HSPA9: variants seen among roughly 807,000 people sequenced by gnomAD.
HSPA9 encodes stress-70 protein, mitochondrial.
A neutral mutation model predicts 81.5 loss-of-function variants in HSPA9; 28 were observed. The observed-to-expected ratio is 0.34, with a 90% confidence interval of 0.25 to 0.47. The LOEUF (loss-of-function observed/expected upper bound fraction) is 0.47, where lower values mean the gene tolerates loss of function less well. Among genes scored for constraint, HSPA9 ranks in the 20% least tolerant of loss-of-function variants. The pLI, the probability that HSPA9 is intolerant of heterozygous loss-of-function variation, is 1.00. For synonymous variants in HSPA9, 293 were observed against 290.4 expected, an observed-to-expected ratio of 1.01 and a Z score of -0.09; for missense variants, 678 against 838.0, an observed-to-expected ratio of 0.81 and a Z score of 2.36.
chr5:138,556,373 AG>A, intron 16 of HSPA9, 78 bp downstream of exon 16: 1 of 1,504,090 alleles, frequency 6.6e-7, no homozygotes. Flanking sequence ...ATGGCTATGG[AG>A]GGAGCCACCA....
In HSPA9 at chr5:138,555,794, T is replaced by C. The variant is rs1750506974; in HGVS notation, c.*243A>G. On this transcript the variant is annotated 3_prime_UTR_variant, in exon 17 of 17. Coordinates refer to ENST00000297185, the MANE Select transcript of HSPA9 (RefSeq NM_004134.7). ...AATGATCAATTCATCCTACCTCCTT[T>C]TACATGCAGCTGAAAAATGACAGGC... 3 of 556,232 alleles carry C rather than the reference T, an allele frequency of 5.4e-6. No homozygotes were observed. Among genetic ancestry groups the C allele is most frequent in the Non-Finnish European group, 9.6e-6 (3 of 313,046 alleles). The allele number at this position is 556,232 out of a possible 1,614,324, so 34.5% of individuals were successfully genotyped here. A position where few individuals can be genotyped will look rare whatever the true frequency, so the allele number is the denominator to read the frequency against.
At chr5:138,574,239 T>C (rs1751029158) in intron 1 of HSPA9, 113 bp from the exon 2 acceptor site, 1 of 747,246 alleles carries the variant, frequency 1.3e-6, no homozygotes, top group South Asian at 1.5e-5. Flanking sequence ...AAACAGTAAA[T>C]ATTAAAGTTT....
At chr5:138,561,504 T>C (rs1274206581) in intron 10 of HSPA9, 76 bp downstream of exon 10, 9 of 1,141,948 alleles carry the variant, frequency 7.9e-6, no homozygotes, top group Non-Finnish European at 1.2e-5. Flanking sequence ...ATGGGCCATA[T>C]ATTTGTGCCA....
chr5:138,571,248 T>C, intron 3 of HSPA9, 107 bp from the exon 4 acceptor site: 1 of 1,139,210 alleles, frequency 8.8e-7, no homozygotes, highest in East Asian at 2.5e-5. Context: ...TGGCACAATC[T>C]TGGCTCACTG....
intron 3 of HSPA9, 37 bp downstream of exon 3, chr5:138,573,726 G>A (rs746238939): frequency 5.6e-5 from 68 of 1,213,618 alleles, no homozygotes; most frequent in Non-Finnish European, 8.0e-5. Context: ...ATTCTGGACA[G>A]ATTCTGGATA....
At chr5:138,560,715 A>C in intron 10 of HSPA9, 1 of 237,336 alleles carries the variant, frequency 4.2e-6, no homozygotes, top group South Asian at 4.3e-5. Flanking sequence ...CGCCCACCAA[A>C]TTTTTTATAT....
intron 9 of HSPA9, among the ~76,000 whole-genome samples, chr5:138,565,895 G>C (rs562032618): frequency 1.8e-4 from 27 of 152,284 alleles, no homozygotes; most frequent in African/African-American, 6.5e-4. Flanking sequence ...TATTAAGTGA[G>C]AGACAATTAG....
At position 138,558,612 on chromosome 5, in the gene HSPA9, CT is replaced by C; in HGVS notation, c.1455del (p.Val486CysfsTer20). On this transcript the variant is annotated frameshift_variant, in exon 12 of 17. Coordinates refer to ENST00000297185, the MANE Select transcript of HSPA9 (RefSeq NM_004134.7). LOFTEE classifies it high-confidence loss of function. ...AADGQTQVEI[K>X]VCQGEREMAG... Reference sequence around the variant, plus strand: ...GCCATCTCTCTTTCACCCTGACACACTTTAATTTCCACTTGCGTTTGACCAT... The same window carrying C: ...GCCATCTCTCTTTCACCCTGACACACTTAATTTCCACTTGCGTTTGACCAT... The C allele has an allele frequency of 1.2e-6, 2 of 1,613,956 alleles. No homozygotes were observed. The highest frequency in any genetic ancestry group is 1.7e-6 in the Non-Finnish European group (2 of 1,179,868).
chr5:138,557,967 G>A lies in HSPA9; in HGVS notation c.1535C>T (p.Pro512Leu). Reference protein sequence around the residue: ...QFTLIGIPPAPRGVPQIEVTF... With the variant: ...QFTLIGIPPALRGVPQIEVTF... ...AACTTCAATCTGAGGAACTCCACGAGGGGCTGGTGGAATTCCAATCTAAAA... is the reference window on the plus strand; with the variant it reads ...AACTTCAATCTGAGGAACTCCACGAAGGGCTGGTGGAATTCCAATCTAAAA... The change falls in exon 13 of 17, where the codon CCT becomes CTT. Residue 512 changes from proline (P) to leucine (L), a missense_variant. Pro to Leu is a moderately conservative substitution (Grantham distance 98). This residue lies in a region of HSPA9 where 484 missense variants were observed against 647.5 expected (regional missense o/e 0.75). Coordinates refer to ENST00000297185, the MANE Select transcript of HSPA9 (RefSeq NM_004134.7). 6.2e-7 allele frequency: 1 copy of A among 1,609,628 alleles called. No individual in the cohort carries two copies. The highest frequency in any genetic ancestry group is 2.2e-5 in the East Asian group (1 of 44,880).
intron 9 of HSPA9, among the ~76,000 whole-genome samples, chr5:138,564,558 A>C (rs1444619437): frequency 1.3e-5 from 2 of 152,160 alleles, no homozygotes; most frequent in South Asian, 2.1e-4. Flanking sequence ...CCTGTGGTGT[A>C]GTGCACCACG....
Position 138,575,354 on chromosome 5 carries a change from G to A in HSPA9, c.-36C>T, listed in dbSNP as rs753831569. The A allele has an allele frequency of 8.4e-6, 13 of 1,548,628 alleles. No homozygotes were observed. Among genetic ancestry groups the A allele is most frequent in the Middle Eastern group, 1.7e-4 (1 of 5,948 alleles). ...TGGAGGAGTACGAGGCAGCAAACAA[G>A]CGCTCCGACGGCAAAGAGCTGCGCG... On this transcript the variant is annotated 5_prime_UTR_variant, in exon 1 of 17. Coordinates refer to ENST00000297185, the MANE Select transcript of HSPA9 (RefSeq NM_004134.7).
At chr5:138,557,590 C>T in intron 13 of HSPA9, 94 bp from the exon 14 acceptor site, 1 of 822,780 alleles carries the variant, frequency 1.2e-6, no homozygotes, top group East Asian at 2.6e-5. Flanking sequence ...CTCATAGCAG[C>T]CAATCTTGAT....
At chr5:138,566,406 T>C (rs1468629085) in intron 9 of HSPA9, among the ~76,000 whole-genome samples, 1 of 152,026 alleles carries the variant, frequency 6.6e-6, no homozygotes, top group Non-Finnish European at 1.5e-5. Flanking sequence ...CCAGTATATG[T>C]AACTGATTTG....
At chr5:138,561,222 T>C (rs1479270501) in intron 10 of HSPA9, 2 of 373,702 alleles carry the variant, frequency 5.4e-6, no homozygotes, top group African/African-American at 4.2e-5. Context: ...AAACTTTGTT[T>C]CAATCCTAAA....
rs781110501 is a variant in HSPA9 at position 138,557,392 on chromosome 5, A to T, written c.1728+10T>A. On this transcript the variant is annotated intron_variant, in intron 14 of 16. Transcript: ENST00000297185. ...CTAAGATTAAAGTTCAGAAGACAAG[A>T]AGTAATCACCTTCTTTCGCCGGTCT... 6.4e-7 allele frequency: 1 copy of T among 1,570,452 alleles called. No individual in the cohort carries two copies. Among genetic ancestry groups the T allele is most frequent in the Non-Finnish European group, 8.8e-7 (1 of 1,141,592 alleles).
chr5:138,573,192 C>A (rs1164215835), intron 3 of HSPA9, among the ~76,000 whole-genome samples: 1 of 152,150 alleles, frequency 6.6e-6, no homozygotes, highest in Non-Finnish European at 1.5e-5. Context: ...TGTACCCGGC[C>A]AATTTTTTGC....
chr5:138,559,791 T>C, intron 11 of HSPA9, 73 bp downstream of exon 11: 3 of 1,003,976 alleles, frequency 3.0e-6, no homozygotes, highest in Admixed American at 1.8e-5. Flanking sequence ...AAAAAACTCA[T>C]GAAAGTGGCT....
intron 5 of HSPA9, among the ~76,000 whole-genome samples, chr5:138,568,534 A>G (rs926990481): frequency 1.3e-5 from 2 of 152,136 alleles, no homozygotes; most frequent in African/African-American, 4.8e-5. Flanking sequence ...AAAACCCCAA[A>G]AAACAGAAAC....
intron 9 of HSPA9, 46 bp downstream of exon 9, chr5:138,566,580 C>T (rs746223197): frequency 1.9e-5 from 24 of 1,248,256 alleles, no homozygotes; most frequent in South Asian, 1.3e-4. Context: ...AAATAAGCTC[C>T]GGCTGAAAAT....
Sources: gnomAD v4.1 joint callset for allele counts (sites outside exome capture counted in the v4.1 genomes callset) on GRCh38, gnomAD v4.1.1 for gene constraint, gnomAD v4.1.1 regional missense constraint, MANE v1.5 for transcripts, NCBI Gene and HGNC (gene_info 2026-07-23, HGNC 2026-07-21) for gene names.